DTHD1: variants seen among roughly 807,000 people sequenced by gnomAD.
The protein encoded by DTHD1 is death domain containing 1, also known as death domain-containing protein 1.
A neutral mutation model predicts 74.8 loss-of-function variants in DTHD1; 59 were observed. The observed-to-expected ratio is 0.79, with a 90% confidence interval of 0.64 to 0.98. DTHD1 has a LOEUF of 0.98. Ranked by LOEUF, DTHD1 falls within the 50% of genes least tolerant of loss-of-function variation. The pLI, the probability that DTHD1 is intolerant of heterozygous loss-of-function variation, is 0.00. For synonymous variants in DTHD1, 365 were observed against 371.1 expected, an observed-to-expected ratio of 0.98 and a Z score of 0.19; for missense variants, 1,051 against 1,065.4, an observed-to-expected ratio of 0.99 and a Z score of 0.19.
At chr4:36,297,263 C>A (rs903587076) in intron 5 of DTHD1, among the ~76,000 whole-genome samples, 3 of 152,206 alleles carry the variant, frequency 2.0e-5, no homozygotes, top group Non-Finnish European at 4.4e-5. Context: ...AACTGTATTT[C>A]TTCCTTTATT....
chr4:36,310,458 T>C (rs184262011), intron 7 of DTHD1, among the ~76,000 whole-genome samples: 1 of 152,306 alleles, frequency 6.6e-6, no homozygotes, highest in African/African-American at 2.4e-5. Context: ...TGTGGTGGAA[T>C]AGAATCAGAC....
Position 36,316,494 on chromosome 4 carries a change from A to ATT in DTHD1, c.2340+11_2340+12dup. 6.5e-7 allele frequency: 1 copy of ATT among 1,542,720 alleles called. No individual in the cohort carries two copies. The highest frequency in any genetic ancestry group is 8.7e-7 in the Non-Finnish European group (1 of 1,144,238). ...CCATTGAAATTGCCAAAGGTGAGTT[A>ATT]TTTTACTTTTCTAATTACTACATTT... On this transcript the variant is annotated intron_variant, in intron 8 of 9. Transcript: ENST00000639862.
intron 8 of DTHD1, among the ~76,000 whole-genome samples, chr4:36,337,702 C>T (rs920480583): frequency 1.3e-5 from 2 of 152,106 alleles, no homozygotes; most frequent in African/African-American, 2.4e-5. Context: ...GTTTTATATG[C>T]TTCCATGTTT....
intron 5 of DTHD1, among the ~76,000 whole-genome samples, chr4:36,299,676 A>T (rs547252047): frequency 9.9e-5 from 15 of 152,142 alleles, no homozygotes; most frequent in African/African-American, 3.1e-4. Flanking sequence ...CCTCTTTTTA[A>T]ATTCCGTATT....
At chr4:36,327,021 C>G (rs1758391938) in intron 8 of DTHD1, among the ~76,000 whole-genome samples, 1 of 151,192 alleles carries the variant, frequency 6.6e-6, no homozygotes. Flanking sequence ...GACCGGAGTG[C>G]AGTGGCATGA....
At chr4:36,326,840 G>A (rs2109546332) in intron 8 of DTHD1, among the ~76,000 whole-genome samples, 1 of 152,298 alleles carries the variant, frequency 6.6e-6, no homozygotes, top group East Asian at 1.9e-4. Flanking sequence ...AGACCTGGGA[G>A]GGTGACATTT....
At chr4:36,321,344 G>A (rs1758027350) in intron 8 of DTHD1, among the ~76,000 whole-genome samples, 1 of 152,216 alleles carries the variant, frequency 6.6e-6, no homozygotes, top group South Asian at 2.1e-4. Flanking sequence ...CAGCCACTCT[G>A]CATTGCTTGC....
At chr4:36,340,753 A>G (rs933679742) in intron 9 of DTHD1, among the ~76,000 whole-genome samples, 2 of 151,624 alleles carry the variant, frequency 1.3e-5, no homozygotes, top group African/African-American at 2.4e-5. Context: ...TAGATCTAGG[A>G]TATTTCCCAT....
At chr4:36,286,544 G>T (rs890617535) in intron 2 of DTHD1, among the ~76,000 whole-genome samples, 4 of 152,122 alleles carry the variant, frequency 2.6e-5, no homozygotes, top group African/African-American at 9.7e-5. Context: ...TAGCTGTCCT[G>T]GTGTATACAA....
At position 36,325,819 on chromosome 4, in the gene DTHD1, C is replaced by G. The variant is rs114329669; in HGVS notation, c.2340+9333C>G. Among the ~76,000 whole-genome samples, 817 of 152,298 alleles carry G rather than the reference C, an allele frequency of 5.4e-3. 4 individuals are homozygous for G. The highest frequency in any genetic ancestry group is 0.018 in the African/African-American group (764 of 41,544). Reference sequence around the variant, plus strand: ...AACTTGCATTTCATCTTCAGTCCCTCTAATATTGCCTTAACACACAGATGA... The same window carrying G: ...AACTTGCATTTCATCTTCAGTCCCTGTAATATTGCCTTAACACACAGATGA... On this transcript the variant is annotated intron_variant, in intron 8 of 9. Transcript: ENST00000639862.
intron 5 of DTHD1, among the ~76,000 whole-genome samples, chr4:36,297,914 T>TTG (rs141268493): frequency 0.062 from 9,128 of 148,376 alleles, 309 homozygotes; most frequent in African/African-American, 0.094. Flanking sequence ...GTTCATATAA[T>TTG]TGTGTGTGTG....
At chr4:36,308,166 C>A (rs1468691719) in intron 6 of DTHD1, 38 bp from the exon 7 acceptor site, 3 of 1,532,506 alleles carry the variant, frequency 2.0e-6, no homozygotes, top group Non-Finnish European at 2.6e-6. Flanking sequence ...CTTGACACTG[C>A]ATTTTTCCCT....
At chr4:36,317,138 A>C (rs1266938903) in intron 8 of DTHD1, among the ~76,000 whole-genome samples, 3 of 152,246 alleles carry the variant, frequency 2.0e-5, no homozygotes, top group Non-Finnish European at 4.4e-5. Context: ...AAAGAAAGCT[A>C]AAATCATTTT....
At chr4:36,326,962 CTTTTT>C (rs201334706) in intron 8 of DTHD1, among the ~76,000 whole-genome samples, 2 of 145,534 alleles carry the variant, frequency 1.4e-5, no homozygotes, top group Non-Finnish European at 3.0e-5. Context: ...ATTTGTTTTT[CTTTTT>C]TTTTTTTTTT....
At chr4:36,339,057 T>C in intron 8 of DTHD1, 55 bp from the exon 9 acceptor site, 1 of 1,420,414 alleles carries the variant, frequency 7.0e-7, no homozygotes, top group Non-Finnish European at 9.7e-7. Flanking sequence ...TCGTTGTAGC[T>C]TATTCACAAA....
At chr4:36,283,953 T>G in intron 1 of DTHD1, 23 bp from the exon 2 acceptor site, 1 of 1,439,346 alleles carries the variant, frequency 6.9e-7, no homozygotes, top group Non-Finnish European at 9.3e-7. Context: ...TTATTCTTTG[T>G]GTGTCCATGT....
intron 6 of DTHD1, among the ~76,000 whole-genome samples, chr4:36,307,071 A>G (rs544877220): frequency 3.3e-5 from 5 of 152,216 alleles, no homozygotes; most frequent in Admixed American, 6.5e-5. Context: ...TTACATCCCC[A>G]CATTGGTCAG....
chr4:36,305,172 T>C (rs1756969350), intron 5 of DTHD1, among the ~76,000 whole-genome samples: 1 of 152,252 alleles, frequency 6.6e-6, no homozygotes, highest in Admixed American at 6.5e-5. Flanking sequence ...TTATGCTCAC[T>C]ACAATTATAA....
intron 2 of DTHD1, among the ~76,000 whole-genome samples, chr4:36,285,883 C>CT (rs1226971646): frequency 6.6e-6 from 1 of 152,126 alleles, no homozygotes; most frequent in Non-Finnish European, 1.5e-5. Flanking sequence ...TTAGTCTATT[C>CT]ATTTATTTTA....
Sources: allele counts gnomAD v4.1 joint callset (sites outside exome capture counted in the v4.1 genomes callset), GRCh38; gene constraint gnomAD v4.1.1; transcripts MANE v1.5; gene names NCBI Gene and HGNC (gene_info 2026-07-23, HGNC 2026-07-21).